Variants in RBFOX3 observed in about 807,000 individuals in gnomAD.
RBFOX3 encodes RNA binding fox-1 homolog 3.
Under a neutral mutation model 48.7 loss-of-function variants are expected in RBFOX3, and 17 were observed. That is an observed-to-expected ratio of 0.35 (90% CI 0.24 to 0.52). RBFOX3 has a LOEUF of 0.52. RBFOX3 is among the 20% of genes least tolerant of loss of function. The pLI, the probability that RBFOX3 is intolerant of heterozygous loss-of-function variation, is 0.94. For missense variants in RBFOX3, 382 were observed against 497.5 expected (o/e 0.77, Z 2.21); for synonymous variants, 212 against 209.5 (o/e 1.01, Z -0.10).
chr17:79,529,714 G>A (rs1421352825), intron 1 of RBFOX3, among the ~76,000 whole-genome samples: 2 of 152,218 alleles, frequency 1.3e-5, no homozygotes, highest in Non-Finnish European at 2.9e-5. Flanking sequence ...GTCTGGGCAT[G>A]CTCCAAGGCA....
intron 1 of RBFOX3, among the ~76,000 whole-genome samples, chr17:79,526,424 C>T (rs1043593343): frequency 4.9e-4 from 74 of 152,364 alleles, no homozygotes; most frequent in African/African-American, 1.6e-3. Context: ...ACCTATCACA[C>T]GATCCTAAAT....
chr17:79,502,824 C>T (rs2082561002), intron 1 of RBFOX3, among the ~76,000 whole-genome samples: 1 of 152,222 alleles, frequency 6.6e-6, no homozygotes, highest in Non-Finnish European at 1.5e-5. Context: ...CACTCCCTGT[C>T]CACGGGGTTC....
At chr17:79,160,980 CAA>C (rs58561038) in intron 4 of RBFOX3, among the ~76,000 whole-genome samples, 17,122 of 107,070 alleles carry the variant, frequency 0.16, 1,467 homozygotes, top group South Asian at 0.3. Context: ...GACTCCATCT[CAA>C]AAAAAAAAAA....
chr17:79,110,130 CAAAAA>C (rs34151285), intron 5 of RBFOX3, among the ~76,000 whole-genome samples: 2 of 132,348 alleles, frequency 1.5e-5, no homozygotes, highest in Non-Finnish European at 1.6e-5. Flanking sequence ...TTCCCCCACT[CAAAAA>C]AAAAAAAAAA....
chr17:79,341,458 G>A (rs1238805001), intron 2 of RBFOX3, among the ~76,000 whole-genome samples: 1 of 152,142 alleles, frequency 6.6e-6, no homozygotes, highest in East Asian at 1.9e-4. Flanking sequence ...CTCTTCGTGC[G>A]TAACTAATTG....
At chr17:79,177,074 C>T (rs9902149) in intron 4 of RBFOX3, among the ~76,000 whole-genome samples, 307 of 152,266 alleles carry the variant, frequency 2.0e-3, no homozygotes, top group African/African-American at 7.0e-3. Context: ...CTCCGGACCT[C>T]CCTCTGGACG....
chr17:79,378,623 G>A (rs773532743), intron 2 of RBFOX3, among the ~76,000 whole-genome samples: 85 of 152,128 alleles, frequency 5.6e-4, no homozygotes, highest in Non-Finnish European at 8.4e-4. Context: ...GCTGTGTGGG[G>A]GGCCCGGAAA....
chr17:79,106,947 C>T (rs997649949), intron 5 of RBFOX3, among the ~76,000 whole-genome samples, 159 bp from the exon 6 acceptor site: 4 of 152,146 alleles, frequency 2.6e-5, no homozygotes, highest in South Asian at 2.1e-4. Flanking sequence ...TCTGGGCAGA[C>T]GGTTCCCATG....
intron 2 of RBFOX3, among the ~76,000 whole-genome samples, chr17:79,357,932 C>T (rs951290383): frequency 9.2e-5 from 11 of 119,524 alleles, no homozygotes; most frequent in Middle Eastern, 4.1e-3. Flanking sequence ...TACCAGATCC[C>T]AAACAAGCTA....
chr17:79,399,755 C>A (rs1357166588), intron 2 of RBFOX3, among the ~76,000 whole-genome samples: 3 of 152,166 alleles, frequency 2.0e-5, no homozygotes, highest in Non-Finnish European at 2.9e-5. Flanking sequence ...CAGATGTAGC[C>A]GAGGCCCCTC....
In RBFOX3 at chr17:79,189,996, C is replaced by T. The variant is rs994994089; in HGVS notation, c.-34+45770G>A. Among the ~76,000 whole-genome samples the T allele has an allele frequency of 3.3e-5, 5 of 152,368 alleles. No individual in the cohort carries two copies. The East Asian group carries it at 9.7e-4, about 29-fold the overall frequency. ...GGAAAACCCATATCACTCGCTGCTC[C>T]ACGCAGCCCACCCAGGAGGCATGCA... On this transcript the variant is annotated intron_variant, in intron 4 of 14. Coordinates refer to ENST00000693108, the MANE Select transcript of RBFOX3 (RefSeq NM_001350451.2).
At chr17:79,165,003 G>A (rs541902945) in intron 4 of RBFOX3, among the ~76,000 whole-genome samples, 2 of 152,250 alleles carry the variant, frequency 1.3e-5, no homozygotes, top group African/African-American at 2.4e-5. Flanking sequence ...CAGACCACAC[G>A]CTCATCTTTC....
rs1290021249 is a variant in RBFOX3, at chr17:79,418,053, G to C, written c.-175+64401C>G. On this transcript the variant is annotated intron_variant, in intron 2 of 14. Coordinates refer to ENST00000693108, the MANE Select transcript of RBFOX3 (RefSeq NM_001350451.2). The surrounding 1 kb of genome is among the most constrained non-coding windows in gnomAD (Gnocchi z 5.0). ...AGAAAGGAGAATGGAGATGCCAGGG[G>C]CTGGGGAGATAGGAAGGGGGCTTCG... Among the ~76,000 whole-genome samples the C allele has an allele frequency of 6.6e-6, 1 of 152,200 alleles. No individual in the cohort carries two copies. The highest frequency in any genetic ancestry group is 2.4e-5 in the African/African-American group (1 of 41,448).
At chr17:79,201,962 C>T (rs2056820911) in intron 4 of RBFOX3, among the ~76,000 whole-genome samples, 1 of 152,236 alleles carries the variant, frequency 6.6e-6, no homozygotes, top group African/African-American at 2.4e-5. Context: ...GCTGACACCA[C>T]CTTCTCTCTA....
At chr17:79,406,569 G>A (rs867255866) in intron 2 of RBFOX3, among the ~76,000 whole-genome samples, 4 of 152,168 alleles carry the variant, frequency 2.6e-5, no homozygotes, top group African/African-American at 7.2e-5. Flanking sequence ...AGAGGGAGGC[G>A]TGTCCCATCA....
intron 2 of RBFOX3, among the ~76,000 whole-genome samples, chr17:79,425,284 C>G (rs908381091): frequency 1.3e-5 from 2 of 152,200 alleles, no homozygotes; most frequent in Non-Finnish European, 2.9e-5. Context: ...CCTCAGCTCC[C>G]TCTGAGTGCC....
intron 2 of RBFOX3, among the ~76,000 whole-genome samples, chr17:79,461,649 A>T (rs1259429049): frequency 6.6e-6 from 1 of 152,236 alleles, no homozygotes; most frequent in African/African-American, 2.4e-5. Context: ...GAACTCAGAT[A>T]TACCCAGAAC....
chr17:79,376,431 G>A (rs983325485), intron 2 of RBFOX3, among the ~76,000 whole-genome samples: 1 of 152,202 alleles, frequency 6.6e-6, no homozygotes, highest in Non-Finnish European at 1.5e-5. Flanking sequence ...TCTCTCTGCA[G>A]ATACTGGGGA....
chr17:79,215,021 C>G (rs67775867), intron 4 of RBFOX3, among the ~76,000 whole-genome samples: 42,896 of 152,128 alleles, frequency 0.28, 6,632 homozygotes, highest in Non-Finnish European at 0.36. Context: ...CAAGACCCAG[C>G]GGCTGCAGGG....
Sources: allele counts gnomAD v4.1 joint callset (sites outside exome capture counted in the v4.1 genomes callset), GRCh38; gene constraint gnomAD v4.1.1; non-coding constraint Gnocchi (gnomAD v3.1); transcripts MANE v1.5; gene names NCBI Gene and HGNC (gene_info 2026-07-23, HGNC 2026-07-21).